Variants in DGUOK observed in about 807,000 individuals in gnomAD.
The protein encoded by DGUOK is deoxyguanosine kinase.
DGUOK carries 30 observed loss-of-function variants against 36.6 expected under a neutral mutation model. That is an observed-to-expected ratio of 0.82 (90% CI 0.61 to 1.11). DGUOK has a LOEUF of 1.11. DGUOK is among the 50% of genes most tolerant of loss of function. The pLI is 0.00. For missense variants in DGUOK, 361 were observed against 336.4 expected, an observed-to-expected ratio of 1.07 and a Z score of -0.57; for synonymous variants, 145 against 126.3, an observed-to-expected ratio of 1.15 and a Z score of -0.99.
In DGUOK at chr2:73,950,641, A is replaced by C; in HGVS notation, c.500A>C (p.His167Pro). The change falls in exon 4 of 7, where the codon CAT becomes CCT. Residue 167 changes from histidine (H) to proline (P), a missense_variant. Transcript: ENST00000264093. ...ENGSLSDIEWHIYQDWHSFLL... is the reference protein window; with the variant it reads ...ENGSLSDIEWPIYQDWHSFLL... Reference sequence around the variant, plus strand: ...GGTTCCCTCAGTGACATCGAGTGGCATATCTATCAGGACTGGCATTCTTTT... The same window carrying C: ...GGTTCCCTCAGTGACATCGAGTGGCCTATCTATCAGGACTGGCATTCTTTT... 1 of 1,614,190 alleles carries C rather than the reference A, an allele frequency of 6.2e-7. No individual in the cohort carries two copies. The highest frequency in any genetic ancestry group is 8.5e-7 in the Non-Finnish European group (1 of 1,180,036).
At chr2:73,932,429 C>G (rs1681119116) in intron 1 of DGUOK, among the ~76,000 whole-genome samples, 1 of 152,178 alleles carries the variant, frequency 6.6e-6, no homozygotes, top group Admixed American at 6.5e-5. Context: ...TGCTGTTCAT[C>G]TTTGTATTGC....
In DGUOK at chr2:73,957,260, T is replaced by A; in HGVS notation, c.707+20T>A. 6.3e-7 allele frequency: 1 copy of A among 1,593,716 alleles called. No individual in the cohort carries two copies. The highest frequency in any genetic ancestry group is 1.7e-5 in the Admixed American group (1 of 59,538). ...AACGAAGTAAGTGGGGAGAAAAGAATGTATCAGAGACAGAGACCTGGCTCC... is the reference window on the plus strand; with the variant it reads ...AACGAAGTAAGTGGGGAGAAAAGAAAGTATCAGAGACAGAGACCTGGCTCC... On this transcript the variant is annotated intron_variant, in intron 5 of 6. Transcript: ENST00000264093.
intron 1 of DGUOK, among the ~76,000 whole-genome samples, chr2:73,934,083 C>G (rs969685496): frequency 6.6e-6 from 1 of 152,072 alleles, no homozygotes; most frequent in African/African-American, 2.4e-5. Context: ...TGAAATACAG[C>G]TGTATTAGAC....
chr2:73,934,868 T>G (rs749143816), intron 1 of DGUOK, among the ~76,000 whole-genome samples: 2 of 149,388 alleles, frequency 1.3e-5, no homozygotes, highest in Non-Finnish European at 3.0e-5. Context: ...AACTCAGGAG[T>G]TTGAGACCAA....
intron 4 of DGUOK, among the ~76,000 whole-genome samples, chr2:73,950,933 T>C (rs997674967): frequency 9.9e-5 from 15 of 152,192 alleles, no homozygotes; most frequent in Non-Finnish European, 2.9e-5. Context: ...GCTAAAGCCA[T>C]TGACTATGCA....
chr2:73,953,638 C>A (rs940479487), intron 4 of DGUOK, among the ~76,000 whole-genome samples: 1 of 151,784 alleles, frequency 6.6e-6, no homozygotes, highest in African/African-American at 2.4e-5. Flanking sequence ...AGTTCAGAGC[C>A]CTCGTAAATA....
chr2:73,948,551 C>T (rs571885820), intron 3 of DGUOK, among the ~76,000 whole-genome samples: 2 of 152,334 alleles, frequency 1.3e-5, no homozygotes, highest in South Asian at 4.1e-4. Flanking sequence ...CCAAGGCTGG[C>T]CCTGGGGCTG....
intron 6 of DGUOK, among the ~76,000 whole-genome samples, 155 bp downstream of exon 6, chr2:73,958,400 C>T (rs553365354): frequency 1.3e-5 from 2 of 152,310 alleles, no homozygotes; most frequent in African/African-American, 2.4e-5. Context: ...GTGCAGATTA[C>T]AAATATCCCT....
chr2:73,949,109 G>T (rs965964311), intron 3 of DGUOK, among the ~76,000 whole-genome samples: 1 of 152,040 alleles, frequency 6.6e-6, no homozygotes, highest in Non-Finnish European at 1.5e-5. Context: ...ACGCCATCAT[G>T]CCTGGCTAAT....
At chr2:73,958,377 C>T in intron 6 of DGUOK, 132 bp downstream of exon 6, 1 of 741,384 alleles carries the variant, frequency 1.3e-6, no homozygotes, top group Non-Finnish European at 2.4e-6. Flanking sequence ...CACTCCAAGG[C>T]CTATGGAATC....
intron 3 of DGUOK, among the ~76,000 whole-genome samples, chr2:73,949,294 A>G (rs764002256): frequency 4.6e-5 from 7 of 152,200 alleles, no homozygotes; most frequent in Non-Finnish European, 1.0e-4. Context: ...ATCTGTAAAG[A>G]ACTCAAAAAC....
intron 3 of DGUOK, among the ~76,000 whole-genome samples, chr2:73,948,672 A>G (rs1682506069): frequency 6.6e-6 from 1 of 152,242 alleles, no homozygotes; most frequent in Non-Finnish European, 1.5e-5. Context: ...AGAGTTGATT[A>G]TAGCGAGGAA....
chr2:73,954,085 C>G (rs1451618305), intron 4 of DGUOK, among the ~76,000 whole-genome samples: 1 of 152,042 alleles, frequency 6.6e-6, no homozygotes, highest in Non-Finnish European at 1.5e-5. Flanking sequence ...CTCATGCCTG[C>G]AATGCCAGCA....
rs369870836 is a variant in DGUOK, at chr2:73,950,607, T to C, written c.466T>C (p.Phe156Leu). 46 of 1,614,064 alleles carry C rather than the reference T, an allele frequency of 2.8e-5. No individual in the cohort carries two copies. Among genetic ancestry groups the C allele is most frequent in the Non-Finnish European group, 3.6e-5 (42 of 1,180,036 alleles). ...CAGGTATATCTTTGCAAAGAATCTT[T>C]TTGAAAATGGTTCCCTCAGTGACAT... ...SDRYIFAKNLFENGSLSDIEW... is the reference protein window; with the variant it reads ...SDRYIFAKNLLENGSLSDIEW... The change falls in exon 4 of 7, where the codon TTT becomes CTT. Residue 156 changes from phenylalanine to leucine, a missense_variant. Coordinates refer to ENST00000264093, the MANE Select transcript of DGUOK (RefSeq NM_080916.3).
At chr2:73,931,492 G>C (rs893814343) in intron 1 of DGUOK, among the ~76,000 whole-genome samples, 11 of 152,216 alleles carry the variant, frequency 7.2e-5, no homozygotes, top group African/African-American at 2.4e-4. Flanking sequence ...TGGAGTTGAA[G>C]GGACCTGTGA....
At chr2:73,954,003 C>T (rs1028101167) in intron 4 of DGUOK, among the ~76,000 whole-genome samples, 1 of 152,066 alleles carries the variant, frequency 6.6e-6, no homozygotes, top group African/African-American at 2.4e-5. Flanking sequence ...CAGGCATGAG[C>T]CACCGCGTCT....
intron 4 of DGUOK, among the ~76,000 whole-genome samples, chr2:73,951,955 G>A (rs1053439666): frequency 6.6e-6 from 1 of 152,200 alleles, no homozygotes; most frequent in African/African-American, 2.4e-5. Flanking sequence ...GATCACTTGA[G>A]GCCAGGAGTT....
intron 2 of DGUOK, among the ~76,000 whole-genome samples, chr2:73,941,075 T>C (rs987877771): frequency 4.6e-5 from 7 of 152,188 alleles, no homozygotes; most frequent in Non-Finnish European, 1.0e-4. Context: ...CTTTCTAGGG[T>C]AGGTCATAAG....
chr2:73,950,491 G>C, intron 3 of DGUOK, 94 bp from the exon 4 acceptor site: 7 of 1,335,322 alleles, frequency 5.2e-6, no homozygotes, highest in Non-Finnish European at 7.5e-6. Flanking sequence ...GGAACAAGTT[G>C]GTTATTGATT....
Sources: allele counts gnomAD v4.1 joint callset (sites outside exome capture counted in the v4.1 genomes callset), GRCh38; gene constraint gnomAD v4.1.1; transcripts MANE v1.5; gene names NCBI Gene and HGNC (gene_info 2026-07-23, HGNC 2026-07-21).